MOB3B: variants seen among roughly 807,000 people sequenced by gnomAD.
MOB3B encodes MOB kinase activator-like 2B.
In MOB3B, 7 loss-of-function variants were observed where a neutral mutation model predicts 18.7. The observed-to-expected ratio is 0.37, with a 90% CI of 0.21 to 0.70. The LOEUF (loss-of-function observed/expected upper bound fraction) is 0.70, where lower values mean the gene tolerates loss of function less well. Ranked by LOEUF, MOB3B falls within the 30% of genes least tolerant of loss-of-function variation. The pLI is 0.52. For synonymous variants in MOB3B, 111 were observed against 99.9 expected, an observed-to-expected ratio of 1.11 and a Z score of -0.66; for missense variants, 253 against 281.3, an observed-to-expected ratio of 0.90 and a Z score of 0.72.
chr9:27,415,969 T>TTC (rs1822140730), intron 2 of MOB3B, among the ~76,000 whole-genome samples: 1 of 152,230 alleles, frequency 6.6e-6, no homozygotes, highest in African/African-American at 2.4e-5. Flanking sequence ...TTCACATGCT[T>TTC]TCACCCCTGG....
intron 2 of MOB3B, among the ~76,000 whole-genome samples, chr9:27,397,895 T>C (rs1821825140): frequency 6.6e-6 from 1 of 152,214 alleles, no homozygotes; most frequent in Non-Finnish European, 1.5e-5. Context: ...GGGTGTTTAG[T>C]AGTATCTACC....
intron 2 of MOB3B, among the ~76,000 whole-genome samples, chr9:27,391,351 G>C (rs1821724842): frequency 6.6e-6 from 1 of 152,136 alleles, no homozygotes; most frequent in African/African-American, 2.4e-5. Flanking sequence ...TGAATGGTTG[G>C]GTGTGGTGGG....
intron 2 of MOB3B, among the ~76,000 whole-genome samples, chr9:27,403,152 T>A (rs1821911209): frequency 6.6e-6 from 1 of 152,122 alleles, no homozygotes; most frequent in African/African-American, 2.4e-5. Context: ...GCTGGATTGA[T>A]CAAGAAGACA....
intron 1 of MOB3B, among the ~76,000 whole-genome samples, chr9:27,479,685 C>T (rs1299931780): frequency 1.3e-5 from 2 of 152,164 alleles, no homozygotes; most frequent in Non-Finnish European, 2.9e-5. Flanking sequence ...CAACTTGAAA[C>T]TAAAACATCA....
intron 1 of MOB3B, among the ~76,000 whole-genome samples, chr9:27,522,684 C>T (rs1820356912): frequency 6.6e-6 from 1 of 151,852 alleles, no homozygotes; most frequent in South Asian, 2.1e-4. Context: ...TCTTTAAGGG[C>T]ATCATCATTA....
chr9:27,518,420 G>C (rs1295025542), intron 1 of MOB3B, among the ~76,000 whole-genome samples: 2 of 152,158 alleles, frequency 1.3e-5, no homozygotes, highest in African/African-American at 4.8e-5. Flanking sequence ...AACATCCTCA[G>C]AAGTAAAAGC....
intron 2 of MOB3B, among the ~76,000 whole-genome samples, chr9:27,431,332 C>A (rs565291455): frequency 1.3e-5 from 2 of 152,280 alleles, no homozygotes; most frequent in East Asian, 3.9e-4. Flanking sequence ...TCCTTCCAAA[C>A]AGGCCTAGTG....
At chr9:27,447,836 G>T (rs1269543374) in intron 2 of MOB3B, among the ~76,000 whole-genome samples, 1 of 152,202 alleles carries the variant, frequency 6.6e-6, no homozygotes, top group Non-Finnish European at 1.5e-5. Flanking sequence ...AGCCAGTGGG[G>T]TGCAGGGAGT....
At chr9:27,472,728 G>A (rs1459367931) in intron 1 of MOB3B, among the ~76,000 whole-genome samples, 1 of 143,356 alleles carries the variant, frequency 7.0e-6, no homozygotes, top group Admixed American at 6.9e-5. Context: ...TTTAAACAGT[G>A]TTTGATTTTA....
intron 3 of MOB3B, among the ~76,000 whole-genome samples, chr9:27,340,725 T>C (rs1391828821): frequency 6.6e-6 from 1 of 152,188 alleles, no homozygotes; most frequent in Admixed American, 6.5e-5. Context: ...AGACTGATGC[T>C]ACCTGTGATC....
At chr9:27,353,857 C>T (rs1457188567) in intron 3 of MOB3B, among the ~76,000 whole-genome samples, 1 of 152,238 alleles carries the variant, frequency 6.6e-6, no homozygotes, top group Non-Finnish European at 1.5e-5. Context: ...CAGCTGACTC[C>T]CTGGCAGCCA....
At chr9:27,527,054 T>C (rs886357303) in intron 1 of MOB3B, among the ~76,000 whole-genome samples, 12 of 152,238 alleles carry the variant, frequency 7.9e-5, no homozygotes, top group Non-Finnish European at 1.5e-4. Flanking sequence ...CTCCCCCTTT[T>C]ACATTCATTT....
At position 27,330,395 on chromosome 9, in the gene MOB3B, G is replaced by A; in HGVS notation, c.*192C>T. ...TGTGGTCTGCCTCGTCCACAGGTCTGGGCTAGCAGCACTCAGAAGGTTAAG... is the reference window on the plus strand; with the variant it reads ...TGTGGTCTGCCTCGTCCACAGGTCTAGGCTAGCAGCACTCAGAAGGTTAAG... On this transcript the variant is annotated 3_prime_UTR_variant, in exon 4 of 4. Coordinates refer to ENST00000262244, the MANE Select transcript of MOB3B (RefSeq NM_024761.5). The A allele has an allele frequency of 1.5e-6, 1 of 653,360 alleles. No homozygotes were observed. The highest frequency in any genetic ancestry group is 2.0e-5 in the South Asian group (1 of 49,304). 40.5% of individuals were successfully genotyped at this position (653,360 alleles called of 1,614,324 possible).
chr9:27,467,090 C>T (rs1819395741), intron 1 of MOB3B, among the ~76,000 whole-genome samples: 2 of 151,994 alleles, frequency 1.3e-5, no homozygotes, highest in Admixed American at 6.6e-5. Flanking sequence ...ATGATTCTAC[C>T]CACTCTATTC....
intron 1 of MOB3B, among the ~76,000 whole-genome samples, chr9:27,514,870 T>A (rs2131503270): frequency 6.6e-6 from 1 of 152,272 alleles, no homozygotes; most frequent in South Asian, 2.1e-4. Context: ...AATTAGCCCT[T>A]CCATGCATGT....
chr9:27,427,736 G>A (rs960778612), intron 2 of MOB3B, among the ~76,000 whole-genome samples: 1 of 152,148 alleles, frequency 6.6e-6, no homozygotes, highest in Non-Finnish European at 1.5e-5. Flanking sequence ...AATGGGAAAT[G>A]AATGCCTTTG....
At chr9:27,374,216 AT>A (rs34635444) in intron 2 of MOB3B, among the ~76,000 whole-genome samples, 40,875 of 148,524 alleles carry the variant, frequency 0.28, 6,112 homozygotes, top group East Asian at 0.63. Context: ...TGTCTGAAGT[AT>A]TTTTTTTTTT....
chr9:27,391,804 A>G (rs1318194494), intron 2 of MOB3B: 1 of 152,192 alleles, frequency 6.6e-6, no homozygotes, highest in Non-Finnish European at 1.5e-5. Flanking sequence ...AAATTTAGAG[A>G]ATGCTTTTCT....
At chr9:27,335,658 G>T (rs1159702850) in intron 3 of MOB3B, among the ~76,000 whole-genome samples, 4 of 152,048 alleles carry the variant, frequency 2.6e-5, no homozygotes, top group African/African-American at 9.7e-5. Flanking sequence ...AACACACAAC[G>T]ATTTCCATAC....
Sources: allele counts gnomAD v4.1 joint callset (sites outside exome capture counted in the v4.1 genomes callset), GRCh38; gene constraint gnomAD v4.1.1; transcripts MANE v1.5; gene names NCBI Gene and HGNC (gene_info 2026-07-23, HGNC 2026-07-21).